PRKCB: variants seen among roughly 807,000 people sequenced by gnomAD.
The protein encoded by PRKCB is protein kinase C beta type.
A neutral mutation model predicts 81.5 loss-of-function variants in PRKCB; 13 were observed. The observed-to-expected ratio is 0.16, with a 90% CI of 0.10 to 0.25. The LOEUF is 0.25. Among genes scored for constraint, PRKCB ranks in the 10% least tolerant of loss-of-function variants. The pLI is 1.00. For missense variants in PRKCB, 509 were observed against 875.7 expected, an observed-to-expected ratio of 0.58 and a Z score of 5.29; for synonymous variants, 335 against 321.4, an observed-to-expected ratio of 1.04 and a Z score of -0.45.
At chr16:24,121,189 C>T (rs886225805) in intron 8 of PRKCB, among the ~76,000 whole-genome samples, 1 of 152,190 alleles carries the variant, frequency 6.6e-6, no homozygotes, top group African/African-American at 2.4e-5. Context: ...AAATGCTGTT[C>T]CTGCTGCCAA....
At chr16:23,934,021 T>TCATCCATC (rs67394616) in intron 2 of PRKCB, among the ~76,000 whole-genome samples, 45,811 of 142,094 alleles carry the variant, frequency 0.32, 7,580 homozygotes, top group South Asian at 0.49. Flanking sequence ...TTCTACCCAC[T>TCATCCATC]CATCCATCCA....
intron 2 of PRKCB, among the ~76,000 whole-genome samples, chr16:23,945,492 T>G (rs1454150662): frequency 6.6e-6 from 1 of 152,134 alleles, no homozygotes; most frequent in African/African-American, 2.4e-5. Flanking sequence ...GGAGGTTGTG[T>G]GTGTCCACGA....
At chr16:24,001,508 T>C (rs993482726) in intron 3 of PRKCB, among the ~76,000 whole-genome samples, 1 of 152,216 alleles carries the variant, frequency 6.6e-6, no homozygotes, top group African/African-American at 2.4e-5. Context: ...TAAATGTATG[T>C]ATACATTAAA....
intron 3 of PRKCB, among the ~76,000 whole-genome samples, chr16:24,000,492 C>G (rs906716431): frequency 6.6e-6 from 1 of 152,168 alleles, no homozygotes; most frequent in African/African-American, 2.4e-5. Flanking sequence ...GCATGTCGTT[C>G]GACTTCTCTA....
At position 24,159,301 on chromosome 16, in the gene PRKCB, C is replaced by T. The variant is rs145947437; in HGVS notation, c.1239+4444C>T. Among the ~76,000 whole-genome samples the T allele has an allele frequency of 3.5e-3, 528 of 152,294 alleles. 2 individuals carry two copies. The highest frequency in any genetic ancestry group is 0.012 in the African/African-American group (500 of 41,566). On this transcript the variant is annotated intron_variant, in intron 10 of 16. Coordinates refer to ENST00000643927, the MANE Select transcript of PRKCB (RefSeq NM_002738.7). ...TCAGGGCTGCATGGTAGTTCTTCCT[C>T]GACACAGCACTGGGTCATTGGCTCA...
In PRKCB at chr16:23,903,749, C is replaced by G. The variant is rs554160591; in HGVS notation, c.205+66343C>G. Among the ~76,000 whole-genome samples the G allele has an allele frequency of 4.6e-5, 7 of 152,280 alleles. No individual in the cohort carries two copies. In the South Asian group the frequency reaches 1.4e-3, roughly 32 times the overall value. The stretch of plus-strand genomic sequence containing the variant: ...CACTGCCTGGAATACTTTTTCTTCT[C>G]TTTACATGGTGAGCTCTCACTCTAG... On this transcript the variant is annotated intron_variant, in intron 2 of 16. Transcript: ENST00000643927.
At chr16:24,085,411 G>C (rs1966300215) in intron 5 of PRKCB, among the ~76,000 whole-genome samples, 1 of 152,152 alleles carries the variant, frequency 6.6e-6, no homozygotes, top group South Asian at 2.1e-4. Flanking sequence ...TACATAATTT[G>C]GTCTAAATTC....
chr16:24,136,641 C>T (rs1596564297), intron 9 of PRKCB, among the ~76,000 whole-genome samples: 1 of 152,180 alleles, frequency 6.6e-6, no homozygotes, highest in African/African-American at 2.4e-5. Context: ...TCTAAAATCC[C>T]GGGAAAGAAA....
intron 2 of PRKCB, among the ~76,000 whole-genome samples, chr16:23,968,287 A>C (rs1003162373): frequency 1.3e-5 from 2 of 152,192 alleles, no homozygotes; most frequent in Non-Finnish European, 2.9e-5. Context: ...TGCAAGAAGA[A>C]AGTTTCATGA....
At chr16:23,942,882 T>A (rs916138263) in intron 2 of PRKCB, among the ~76,000 whole-genome samples, 1 of 152,174 alleles carries the variant, frequency 6.6e-6, no homozygotes, top group Non-Finnish European at 1.5e-5. Flanking sequence ...CTTCTGCCTG[T>A]TTCTCAACTT....
chr16:23,913,129 G>A (rs1963687239), intron 2 of PRKCB, among the ~76,000 whole-genome samples: 1 of 152,136 alleles, frequency 6.6e-6, no homozygotes, highest in Non-Finnish European at 1.5e-5. Flanking sequence ...GGTTCAAGGA[G>A]GTGGACACCA....
Position 23,886,849 on chromosome 16 carries a change from C to G in PRKCB, c.205+49443C>G, listed in dbSNP as rs111913911. On this transcript the variant is annotated intron_variant, in intron 2 of 16. Coordinates refer to ENST00000643927, the MANE Select transcript of PRKCB (RefSeq NM_002738.7). ...TGCCTGTAGCAGCCACAGACCCTCT[C>G]TTTCCTTGGTGCATGTCCCTCCTTC... is the stretch of plus-strand genomic sequence containing the variant. Among the ~76,000 whole-genome samples, 14 of 152,294 alleles carry G rather than the reference C, an allele frequency of 9.2e-5. 1 individual carries two copies. The highest frequency in any genetic ancestry group is 3.1e-4 in the African/African-American group (13 of 41,566).
intron 13 of PRKCB, among the ~76,000 whole-genome samples, chr16:24,184,667 A>T (rs571904028): frequency 6.6e-6 from 1 of 152,182 alleles, no homozygotes; most frequent in Non-Finnish European, 1.5e-5. Flanking sequence ...ATAAAGAAAT[A>T]TTAAAATAGT....
chr16:24,151,783 C>T (rs1332779765), intron 9 of PRKCB: 6 of 455,808 alleles, frequency 1.3e-5, no homozygotes, highest in African/African-American at 6.0e-5. Context: ...GTCAGAGCTG[C>T]ATTTTCAGAA....
chr16:24,105,476 T>C (rs1966563119), intron 7 of PRKCB, among the ~76,000 whole-genome samples: 1 of 152,236 alleles, frequency 6.6e-6, no homozygotes, highest in South Asian at 2.1e-4. Context: ...CAACCTGTCA[T>C]CTAGATTTCA....
Position 24,158,542 on chromosome 16 carries a change from G to A in PRKCB, c.1239+3685G>A, listed in dbSNP as rs949419817. On this transcript the variant is annotated intron_variant, in intron 10 of 16. Coordinates refer to ENST00000643927, the MANE Select transcript of PRKCB (RefSeq NM_002738.7). ...TTTAAAAAAACATGTATATGTATAA[G>A]TATATGTATATGTATATGTATATGT... 8.9e-4 allele frequency among the ~76,000 whole-genome samples: 5 copies of A among 5,594 alleles called. No homozygotes were observed. In the African/African-American group the frequency reaches 0.012, roughly 13 times the overall value. 3.7% of individuals were successfully genotyped at this position (5,594 alleles called of 152,430 possible). A position where few individuals can be genotyped will look rare whatever the true frequency, so the allele number is the denominator to read the frequency against.
At chr16:24,062,473 G>A (rs951157061) in intron 5 of PRKCB, among the ~76,000 whole-genome samples, 1 of 152,240 alleles carries the variant, frequency 6.6e-6, no homozygotes, top group African/African-American at 2.4e-5. Context: ...CCAGATGCAG[G>A]GAATGGAGAA....
chr16:23,964,549 A>G (rs757357686), intron 2 of PRKCB, among the ~76,000 whole-genome samples: 61 of 152,286 alleles, frequency 4.0e-4, no homozygotes, highest in Middle Eastern at 3.4e-3. Flanking sequence ...TATTTATTGA[A>G]AATAATATAC....
At chr16:24,164,072 C>G (rs1358295147) in intron 10 of PRKCB, among the ~76,000 whole-genome samples, 3 of 152,196 alleles carry the variant, frequency 2.0e-5, no homozygotes, top group Non-Finnish European at 4.4e-5. Flanking sequence ...CAGCAACTTC[C>G]CTTGGAGCAT....
Sources: allele counts gnomAD v4.1 joint callset (sites outside exome capture counted in the v4.1 genomes callset), GRCh38; gene constraint gnomAD v4.1.1; transcripts MANE v1.5; gene names NCBI Gene and HGNC (gene_info 2026-07-23, HGNC 2026-07-21).